ERG: variants seen among roughly 807,000 people sequenced by gnomAD.
The protein encoded by ERG is ETS transcription factor ERG.
ERG carries 9 observed loss-of-function variants against 55.3 expected under a neutral mutation model. That is an observed-to-expected ratio of 0.16 (90% confidence interval 0.10 to 0.28). The LOEUF is 0.28. ERG is among the 10% of genes least tolerant of loss of function. The pLI, the probability that ERG is intolerant of heterozygous loss-of-function variation, is 1.00. For synonymous variants in ERG, 223 were observed against 237.3 expected (o/e 0.94, Z 0.55); for missense variants, 434 against 631.6 (o/e 0.69, Z 3.35).
At chr21:38,621,825 C>T (rs1225604717) in intron 1 of ERG, among the ~76,000 whole-genome samples, 1 of 152,192 alleles carries the variant, frequency 6.6e-6, no homozygotes, top group East Asian at 1.9e-4. Flanking sequence ...CTGGAATTTC[C>T]AGAGTCTACT....
At chr21:38,569,375 G>C (rs934507195) in intron 2 of ERG, among the ~76,000 whole-genome samples, 2 of 152,216 alleles carry the variant, frequency 1.3e-5, no homozygotes, top group African/African-American at 4.8e-5. Flanking sequence ...TGAGCTTCAA[G>C]GAAGTCACTT....
Position 38,381,895 on chromosome 21 carries a change from A to G in ERG, c.*1508T>C, listed in dbSNP as rs1987457347. 4 of 1,063,348 alleles carry G rather than the reference A, an allele frequency of 3.8e-6. No individual in the cohort carries two copies. The South Asian group carries it at 1.4e-4, about 36-fold the overall frequency. 65.9% of individuals were successfully genotyped at this position (1,063,348 alleles called of 1,614,324 possible). ...ACGCCATTTGGGTGCCAAACATCCT[A>G]TTTCCTTGGCTCTCCCTTGCACAAG... is the stretch of plus-strand genomic sequence containing the variant. On this transcript the variant is annotated 3_prime_UTR_variant, in exon 10 of 10. Transcript: ENST00000288319.
Position 38,380,778 on chromosome 21 carries a change from T to G in ERG, c.*2625A>C. 9.4e-7 allele frequency: 1 copy of G among 1,062,248 alleles called. No homozygotes were observed. Among genetic ancestry groups the G allele is most frequent in the Non-Finnish European group, 1.1e-6 (1 of 878,858 alleles). The allele number at this position is 1,062,248 out of a possible 1,614,324, so 65.8% of individuals were successfully genotyped here. Reference sequence around the variant, plus strand: ...GGGGGTGGAGGGTTGAGGGATCTAATGGAAAACATCTGTTAAAATTGAATA... The same window carrying G: ...GGGGGTGGAGGGTTGAGGGATCTAAGGGAAAACATCTGTTAAAATTGAATA... On this transcript the variant is annotated 3_prime_UTR_variant, in exon 10 of 10. Transcript: ENST00000288319.
chr21:38,501,956 T>C (rs574722630), upstream of ERG, among the ~76,000 whole-genome samples: 6 of 152,210 alleles, frequency 3.9e-5, no homozygotes, highest in Non-Finnish European at 8.8e-5. Context: ...TTCTTCCCAT[T>C]TTCTAAAGAT....
At chr21:38,510,212 A>G (rs2059500738) in intron 2 of ERG, among the ~76,000 whole-genome samples, 1 of 152,256 alleles carries the variant, frequency 6.6e-6, no homozygotes, top group Non-Finnish European at 1.5e-5. Flanking sequence ...CACATATGGA[A>G]TGCCTATAGA....
chr21:38,580,918 C>G (rs2060024630), intron 1 of ERG, among the ~76,000 whole-genome samples: 1 of 152,220 alleles, frequency 6.6e-6, no homozygotes, highest in African/African-American at 2.4e-5. Context: ...TACCCCTCCT[C>G]TCTTCTCAAA....
intron 1 of ERG, among the ~76,000 whole-genome samples, chr21:38,640,731 C>T (rs981570544): frequency 5.3e-5 from 8 of 152,222 alleles, no homozygotes; most frequent in Admixed American, 2.0e-4. Flanking sequence ...GTCTCAGGTA[C>T]ATCTTTATCA....
chr21:38,555,195 C>T (rs1306833349), intron 2 of ERG, among the ~76,000 whole-genome samples: 1 of 151,826 alleles, frequency 6.6e-6, no homozygotes, highest in Non-Finnish European at 1.5e-5. Flanking sequence ...GGCATGGTGG[C>T]ACACGCCTGT....
chr21:38,545,600 A>G (rs1472921044), intron 2 of ERG, among the ~76,000 whole-genome samples: 1 of 152,216 alleles, frequency 6.6e-6, no homozygotes, highest in Non-Finnish European at 1.5e-5. Flanking sequence ...CTAACATTCA[A>G]TATCTCACTT....
chr21:38,573,340 A>G (rs1329976721), intron 2 of ERG, among the ~76,000 whole-genome samples: 2 of 152,218 alleles, frequency 1.3e-5, no homozygotes, highest in Admixed American at 6.5e-5. Flanking sequence ...AAAAGAGGAA[A>G]GCCTCTTGCA....
At chr21:38,374,382 C>G in the ERG span, among the ~76,000 whole-genome samples, 1 of 152,254 alleles carries the variant, frequency 6.6e-6, no homozygotes, top group East Asian at 1.9e-4. Context: ...GACAAAGGCT[C>G]GAGTCAACAC....
chr21:38,569,899 T>C (rs1199330126), intron 2 of ERG, among the ~76,000 whole-genome samples: 8 of 152,222 alleles, frequency 5.3e-5, no homozygotes, highest in Non-Finnish European at 1.2e-4. Context: ...TCCACACTGA[T>C]ACATGGCTAC....
chr21:38,473,125 A>C (rs1426459622), intron 1 of ERG, among the ~76,000 whole-genome samples: 1 of 151,130 alleles, frequency 6.6e-6, no homozygotes, highest in East Asian at 2.0e-4. Flanking sequence ...ACCGTCTACA[A>C]ATACATACTT....
At position 38,628,083 on chromosome 21, in the gene ERG, G is replaced by A. The variant is rs540490707; in HGVS notation, c.-150+33575C>T. On this transcript the variant is annotated intron_variant, in intron 1 of 10. Transcript: ENST00000398910. ...CCCACCTCAGCCTCCTGAGTAGCTG[G>A]GGCTACAGGTGCATGCCACCACAGC... 2.9e-3 allele frequency among the ~76,000 whole-genome samples: 437 copies of A among 151,992 alleles called. 1 individual carries two copies. Among genetic ancestry groups the A allele is most frequent in the African/African-American group, 9.9e-3 (412 of 41,442 alleles).
At chr21:38,475,826 G>T (rs1256322346) in intron 1 of ERG, among the ~76,000 whole-genome samples, 1 of 152,108 alleles carries the variant, frequency 6.6e-6, no homozygotes, top group African/African-American at 2.4e-5. Flanking sequence ...CTGTCCTGCT[G>T]CTCATGCCCC....
At chr21:38,565,654 G>C (rs913271199) in intron 2 of ERG, among the ~76,000 whole-genome samples, 1 of 152,070 alleles carries the variant, frequency 6.6e-6, no homozygotes, top group Non-Finnish European at 1.5e-5. Context: ...CACTCCCTTC[G>C]GGTCTCAGCT....
chr21:38,379,846 C>T (rs1486785789), downstream of ERG, among the ~76,000 whole-genome samples: 2 of 152,140 alleles, frequency 1.3e-5, no homozygotes, highest in Admixed American at 1.3e-4. Context: ...TTGTGCACCA[C>T]CATGCCCGGC....
intron 1 of ERG, among the ~76,000 whole-genome samples, chr21:38,590,214 T>C (rs2060091524): frequency 6.6e-6 from 1 of 152,116 alleles, no homozygotes; most frequent in Admixed American, 6.5e-5. Flanking sequence ...AGGTTATACT[T>C]TAAATTAAAT....
At chr21:38,485,349 GT>G (rs1402628570) in intron 1 of ERG, among the ~76,000 whole-genome samples, 55 of 151,826 alleles carry the variant, frequency 3.6e-4, no homozygotes, top group South Asian at 6.2e-4. Context: ...AGCTAAGTGA[GT>G]ACAAAAGAGT....
Sources: allele counts gnomAD v4.1 joint callset (sites outside exome capture counted in the v4.1 genomes callset), GRCh38; gene constraint gnomAD v4.1.1; transcripts MANE v1.5; gene names NCBI Gene and HGNC (gene_info 2026-07-23, HGNC 2026-07-21).